The following MPPED1 variants were observed in gnomAD, a reference collection of about 807,000 sequenced individuals.
MPPED1 encodes metallophosphoesterase domain-containing protein 1.
MPPED1 carries 16 observed loss-of-function variants against 36.2 expected under a neutral mutation model. The ratio of observed to expected loss-of-function variants is 0.44; its 90% CI spans 0.30 to 0.67. The LOEUF (loss-of-function observed/expected upper bound fraction) is 0.67. MPPED1 is among the 30% of genes least tolerant of loss of function. The pLI is 0.10. For synonymous variants in MPPED1, 199 were observed against 191.3 expected (o/e 1.04, Z -0.33); for missense variants, 307 against 453.4 (o/e 0.68, Z 2.93).
In MPPED1 at chr22:43,497,929, G is replaced by GTGTATATATATATATATATATATATATA. The variant is rs1555904565; in HGVS notation, c.633-305_633-304insGTATATATATATATATATATATATATAT. Among the ~76,000 whole-genome samples, 190 of 48,636 alleles carry GTGTATATATATATATATATATATATATA rather than the reference G, an allele frequency of 3.9e-3. 8 individuals are homozygous for GTGTATATATATATATATATATATATATA. The highest frequency in any genetic ancestry group is 0.02 in the Middle Eastern group (2 of 100). 31.9% of individuals were successfully genotyped at this position (48,636 alleles called of 152,430 possible). ...CTTAGGAAGAAGCTGATATATATAT[G>GTGTATATATATATATATATATATATATA]TATATGTATATATATATATGTATTT... is the stretch of plus-strand genomic sequence containing the variant. On this transcript the variant is annotated intron_variant, in intron 4 of 6. Coordinates refer to ENST00000443721, the MANE Select transcript of MPPED1 (RefSeq NM_001044370.2).
chr22:43,424,680 T>G (rs931463389), intron 1 of MPPED1, among the ~76,000 whole-genome samples: 1 of 151,636 alleles, frequency 6.6e-6, no homozygotes, highest in African/African-American at 2.4e-5. Context: ...TGGGTTGTTT[T>G]TTTTTCTTTT....
intron 4 of MPPED1, among the ~76,000 whole-genome samples, chr22:43,487,478 G>T (rs1372968426): frequency 1.3e-5 from 2 of 152,204 alleles, no homozygotes; most frequent in Non-Finnish European, 2.9e-5. Flanking sequence ...CACGCCGAGG[G>T]CTGGGCTTGT....
At chr22:43,470,351 A>T (rs1444222847) in intron 3 of MPPED1, among the ~76,000 whole-genome samples, 1 of 151,994 alleles carries the variant, frequency 6.6e-6, no homozygotes, top group Non-Finnish European at 1.5e-5. Flanking sequence ...CCATGTATGC[A>T]TCTATATATC....
intron 6 of MPPED1, among the ~76,000 whole-genome samples, chr22:43,503,479 C>T (rs1375055993): frequency 6.6e-6 from 1 of 152,202 alleles, no homozygotes; most frequent in African/African-American, 2.4e-5. Flanking sequence ...CTCCTGGCCT[C>T]CGGAACCTGT....
intron 3 of MPPED1, among the ~76,000 whole-genome samples, chr22:43,437,174 G>A (rs1301226215): frequency 1.3e-5 from 2 of 152,166 alleles, no homozygotes; most frequent in Non-Finnish European, 2.9e-5. Context: ...TGCACAAAGC[G>A]AGACACCTTG....
At chr22:43,439,924 G>A (rs920577073) in intron 3 of MPPED1, among the ~76,000 whole-genome samples, 2 of 152,196 alleles carry the variant, frequency 1.3e-5, no homozygotes, top group African/African-American at 4.8e-5. Context: ...AACCCCGCTG[G>A]GCAGAGCTGT....
At chr22:43,468,137 T>G (rs937987846) in intron 3 of MPPED1, among the ~76,000 whole-genome samples, 17 of 152,358 alleles carry the variant, frequency 1.1e-4, no homozygotes, top group African/African-American at 3.8e-4. Context: ...CCTCTAGTGC[T>G]CTTCTGGTTA....
intron 4 of MPPED1, among the ~76,000 whole-genome samples, chr22:43,482,254 C>A (rs1390493034): frequency 3.3e-5 from 5 of 152,114 alleles, no homozygotes; most frequent in African/African-American, 1.2e-4. Flanking sequence ...TGGCACGCAG[C>A]GAGTCCATCT....
At chr22:43,428,823 C>T (rs1392425948) in intron 2 of MPPED1, among the ~76,000 whole-genome samples, 1 of 151,858 alleles carries the variant, frequency 6.6e-6, no homozygotes, top group African/African-American at 2.4e-5. Flanking sequence ...CTGAGAAACC[C>T]TATGGGGGTC....
chr22:43,435,988 A>G (rs542200572), intron 3 of MPPED1, among the ~76,000 whole-genome samples: 31 of 152,280 alleles, frequency 2.0e-4, no homozygotes, highest in African/African-American at 7.5e-4. Context: ...TGCCATGGAG[A>G]TGGTTTCTCC....
chr22:43,496,118 G>A (rs1946792319), intron 4 of MPPED1, among the ~76,000 whole-genome samples: 1 of 98,068 alleles, frequency 1.0e-5, no homozygotes, highest in Non-Finnish European at 2.0e-5. Flanking sequence ...GGTGGTGGTG[G>A]AGGTGGTGGT....
chr22:43,468,701 A>C (rs1931257301), intron 3 of MPPED1, among the ~76,000 whole-genome samples: 3 of 151,958 alleles, frequency 2.0e-5, no homozygotes, highest in Non-Finnish European at 4.4e-5. Context: ...TCCCCAGCGG[A>C]GCCTCGCCAG....
intron 3 of MPPED1, among the ~76,000 whole-genome samples, chr22:43,458,467 G>C (rs959084659): frequency 4.6e-5 from 7 of 151,982 alleles, no homozygotes; most frequent in Non-Finnish European, 8.8e-5. Context: ...TATATTTTTA[G>C]TAGAGACGGG....
chr22:43,439,213 G>A (rs1172069153), intron 3 of MPPED1, among the ~76,000 whole-genome samples: 3 of 152,216 alleles, frequency 2.0e-5, no homozygotes, highest in Admixed American at 2.0e-4. Flanking sequence ...TGCGTTCATG[G>A]GAGGGGGACG....
At chr22:43,487,392 G>A (rs28432671) in intron 4 of MPPED1, among the ~76,000 whole-genome samples, 11,152 of 152,316 alleles carry the variant, frequency 0.073, 566 homozygotes, top group Non-Finnish European at 0.11. Flanking sequence ...AGGTTGACAT[G>A]GGTGGTGAGC....
chr22:43,481,720 C>T (rs1931755506), intron 4 of MPPED1, among the ~76,000 whole-genome samples: 1 of 152,130 alleles, frequency 6.6e-6, no homozygotes, highest in African/African-American at 2.4e-5. Flanking sequence ...CCTAACTGTG[C>T]CCCCTGCTGG....
chr22:43,440,581 G>C (rs1049708116), intron 3 of MPPED1, among the ~76,000 whole-genome samples: 1 of 152,218 alleles, frequency 6.6e-6, no homozygotes, highest in Non-Finnish European at 1.5e-5. Context: ...ATGCCTGCAA[G>C]AACTGTCAGT....
intron 3 of MPPED1, among the ~76,000 whole-genome samples, chr22:43,460,549 C>A (rs1180460867): frequency 6.6e-6 from 1 of 152,066 alleles, no homozygotes; most frequent in African/African-American, 2.4e-5. Flanking sequence ...GATCCCACCC[C>A]CTGCACCAAG....
intron 2 of MPPED1, 44 bp from the exon 3 acceptor site, chr22:43,434,990 C>T (rs62234092): frequency 0.046 from 72,902 of 1,593,208 alleles, 2,580 homozygotes; most frequent in African/African-American, 0.19. Flanking sequence ...CGCAGGCTCG[C>T]GGCTCCATGG....
Sources: gnomAD v4.1 joint callset for allele counts (sites outside exome capture counted in the v4.1 genomes callset) on GRCh38, gnomAD v4.1.1 for gene constraint, MANE v1.5 for transcripts, NCBI Gene and HGNC (gene_info 2026-07-23, HGNC 2026-07-21) for gene names.